Variants in LRP1B observed in about 807,000 individuals in gnomAD.
LRP1B encodes LDL receptor related protein 1B, also known as low-density lipoprotein receptor-related protein 1B.
A neutral mutation model predicts 556.6 loss-of-function variants in LRP1B; 217 were observed. That is an observed-to-expected ratio of 0.39 (90% CI 0.35 to 0.44). The LOEUF (loss-of-function observed/expected upper bound fraction) is 0.44, where lower values mean the gene tolerates loss of function less well. Ranked by LOEUF, LRP1B falls within the 20% of genes least tolerant of loss-of-function variation. The pLI, the probability that LRP1B is intolerant of heterozygous loss-of-function variation, is 1.00. For synonymous variants in LRP1B, 2,047 were observed against 1,865.8 expected (o/e 1.10, Z -2.50); for missense variants, 5,053 against 5,620.8 (o/e 0.90, Z 3.23).
intron 1 of LRP1B, among the ~76,000 whole-genome samples, chr2:141,959,421 G>A (rs895592200): frequency 6.6e-6 from 1 of 151,844 alleles, no homozygotes; most frequent in Admixed American, 6.6e-5. Context: ...GTGACTGTTC[G>A]CTGTGTGTAG....
intron 84 of LRP1B, among the ~76,000 whole-genome samples, chr2:140,281,802 A>G (rs1682923295): frequency 6.6e-6 from 1 of 151,816 alleles, no homozygotes; most frequent in Admixed American, 6.6e-5. Flanking sequence ...CGTGCAATTT[A>G]TATTCCACCT....
At chr2:141,333,888 G>C (rs1687749884) in intron 3 of LRP1B, among the ~76,000 whole-genome samples, 1 of 152,110 alleles carries the variant, frequency 6.6e-6, no homozygotes, top group Non-Finnish European at 1.5e-5. Flanking sequence ...TATGATATGA[G>C]TGTATCAGTG....
chr2:140,569,737 T>TAAAC (rs769180041), intron 43 of LRP1B, among the ~76,000 whole-genome samples: 20 of 151,866 alleles, frequency 1.3e-4, no homozygotes, highest in Admixed American at 7.9e-4. Context: ...AGCTACAGAA[T>TAAAC]AAACATTCTT....
chr2:141,864,600 C>T (rs6724284), intron 1 of LRP1B, among the ~76,000 whole-genome samples: 2,902 of 150,582 alleles, frequency 0.019, 74 homozygotes, highest in South Asian at 0.063. Context: ...TGGAGGAATG[C>T]GCCAGGCGCA....
intron 66 of LRP1B, among the ~76,000 whole-genome samples, chr2:140,406,484 C>T (rs1408638725): frequency 6.6e-6 from 1 of 152,042 alleles, no homozygotes; most frequent in Non-Finnish European, 1.5e-5. Flanking sequence ...CTAATAAACA[C>T]ATTCAGTAAA....
intron 1 of LRP1B, among the ~76,000 whole-genome samples, chr2:141,980,527 T>C (rs1183042020): frequency 2.0e-5 from 3 of 152,184 alleles, no homozygotes; most frequent in African/African-American, 7.2e-5. Context: ...TGAAAGCCTG[T>C]ATCTGACATT....
At chr2:141,372,537 AT>A (rs893946963) in intron 3 of LRP1B, among the ~76,000 whole-genome samples, 11 of 150,796 alleles carry the variant, frequency 7.3e-5, no homozygotes, top group South Asian at 2.1e-4. Flanking sequence ...TAAGGGGAGG[AT>A]TTTTTTTTAT....
intron 1 of LRP1B, among the ~76,000 whole-genome samples, chr2:142,016,970 G>A (rs919267513): frequency 1.0e-4 from 14 of 139,480 alleles, no homozygotes; most frequent in Middle Eastern, 3.7e-3. Context: ...GTATGTGTGT[G>A]TATATACATA....
chr2:141,982,397 A>C (rs1702067916), intron 1 of LRP1B, among the ~76,000 whole-genome samples: 1 of 152,226 alleles, frequency 6.6e-6, no homozygotes, highest in Admixed American at 6.5e-5. Context: ...GCTTCATGAT[A>C]AAAGTAAAGC....
chr2:141,784,198 C>T (rs1327220835), intron 2 of LRP1B, among the ~76,000 whole-genome samples: 1 of 151,810 alleles, frequency 6.6e-6, no homozygotes, highest in African/African-American at 2.4e-5. Context: ...TATCTGCTAC[C>T]TTTTTTCCCC....
At chr2:140,331,418 C>T (rs1022747276) in intron 79 of LRP1B, among the ~76,000 whole-genome samples, 11 of 151,948 alleles carry the variant, frequency 7.2e-5, no homozygotes, top group African/African-American at 2.7e-4. Flanking sequence ...CAATAATAAT[C>T]AGTGTGTCAT....
chr2:140,466,460 A>G (rs1687552865), intron 60 of LRP1B, among the ~76,000 whole-genome samples: 1 of 152,128 alleles, frequency 6.6e-6, no homozygotes, highest in Non-Finnish European at 1.5e-5. Flanking sequence ...TACAATATTG[A>G]CACTTTAATA....
At chr2:141,937,283 C>G (rs1213018098) in intron 1 of LRP1B, among the ~76,000 whole-genome samples, 1 of 151,740 alleles carries the variant, frequency 6.6e-6, no homozygotes, top group Non-Finnish European at 1.5e-5. Context: ...GAGGCTGAGG[C>G]AGGAGAATGC....
At chr2:141,567,890 CTCT>C (rs1177610365) in intron 2 of LRP1B, among the ~76,000 whole-genome samples, 1 of 149,904 alleles carries the variant, frequency 6.7e-6, no homozygotes, top group Non-Finnish European at 1.5e-5. Flanking sequence ...AACTTTGCCT[CTCT>C]TCTTCTGTTG....
chr2:140,722,614 A>G (rs1213439039), intron 35 of LRP1B, among the ~76,000 whole-genome samples: 1 of 152,216 alleles, frequency 6.6e-6, no homozygotes, highest in Non-Finnish European at 1.5e-5. Context: ...GATAGTGCTC[A>G]CTTTACCAGA....
chr2:141,248,621 C>A (rs951626813), intron 4 of LRP1B, among the ~76,000 whole-genome samples: 1 of 152,004 alleles, frequency 6.6e-6, no homozygotes, highest in East Asian at 1.9e-4. Flanking sequence ...TGAAGGAAAG[C>A]GGCAGAAGAG....
chr2:141,941,338 C>T (rs531370678), intron 1 of LRP1B, among the ~76,000 whole-genome samples: 121 of 152,286 alleles, frequency 7.9e-4, no homozygotes, highest in African/African-American at 2.8e-3. Flanking sequence ...ATGGGCCACT[C>T]TTTGCTTGAT....
At position 141,000,936 on chromosome 2, in the gene LRP1B, C is replaced by A. The variant is rs149240517; in HGVS notation, c.2503+4399G>T. On this transcript the variant is annotated intron_variant, in intron 15 of 90. Transcript: ENST00000389484. ...TTTCCTATATCAATATAGATATGTTCACCTAAAAGCAACCCATACATTTTT... is the reference window on the plus strand; with the variant it reads ...TTTCCTATATCAATATAGATATGTTAACCTAAAAGCAACCCATACATTTTT... 2.0e-3 allele frequency among the ~76,000 whole-genome samples: 297 copies of A among 150,620 alleles called. 1 individual carries two copies. Among genetic ancestry groups the A allele is most frequent in the African/African-American group, 7.0e-3 (286 of 40,984 alleles).
chr2:140,533,998 A>T (rs747145063), intron 47 of LRP1B, 23 bp downstream of exon 47: 1 of 1,612,316 alleles, frequency 6.2e-7, no homozygotes, highest in Non-Finnish European at 8.5e-7. Context: ...CAATATTCTG[A>T]GATTGATGGA....
Sources: allele counts gnomAD v4.1 joint callset (sites outside exome capture counted in the v4.1 genomes callset), GRCh38; gene constraint gnomAD v4.1.1; transcripts MANE v1.5; gene names NCBI Gene and HGNC (gene_info 2026-07-23, HGNC 2026-07-21).